Variants in DCUN1D4 observed in about 807,000 individuals in gnomAD.
The protein encoded by DCUN1D4 is defective in cullin neddylation 1 domain containing 4, also known as DCN1-like protein 4.
DCUN1D4 carries 22 observed loss-of-function variants against 47.9 expected under a neutral mutation model. The ratio of observed to expected loss-of-function variants is 0.46; its 90% confidence interval spans 0.33 to 0.66. The LOEUF (loss-of-function observed/expected upper bound fraction) is 0.66. Ranked by LOEUF, DCUN1D4 falls within the 30% of genes least tolerant of loss-of-function variation. The pLI, the probability that DCUN1D4 is intolerant of heterozygous loss-of-function variation, is 0.02. For synonymous variants in DCUN1D4, 121 were observed against 112.2 expected (o/e 1.08, Z -0.50); for missense variants, 301 against 340.8 (o/e 0.88, Z 0.92).
Position 51,915,287 on chromosome 4 carries a change from T to A in DCUN1D4, c.*1703T>A, listed in dbSNP as rs1253067420. ...ATGATATAGTAGAATGCAACTACTT[T>A]CTTTTTCTACCAAACGAAAGGTTTT... On this transcript the variant is annotated 3_prime_UTR_variant, in exon 11 of 11. Transcript: ENST00000334635. 6.6e-6 allele frequency: 1 copy of A among 152,608 alleles called. No individual in the cohort carries two copies. Among genetic ancestry groups the A allele is most frequent in the Admixed American group, 6.6e-5 (1 of 15,258 alleles). 9.5% of individuals were successfully genotyped at this position (152,608 alleles called of 1,614,324 possible). A position where few individuals can be genotyped will look rare whatever the true frequency, so the allele number is the denominator to read the frequency against.
chr4:51,887,310 G>A, intron 6 of DCUN1D4: 1 of 320,734 alleles, frequency 3.1e-6, no homozygotes. Context: ...CACCATGTTG[G>A]CCAGATGTCT....
chr4:51,909,622 A>G (rs1733404376), intron 8 of DCUN1D4, among the ~76,000 whole-genome samples: 1 of 152,196 alleles, frequency 6.6e-6, no homozygotes, highest in African/African-American at 2.4e-5. Context: ...GAGCAGGACA[A>G]TACATATGGC....
chr4:51,885,911 A>C (rs937035534), intron 5 of DCUN1D4, among the ~76,000 whole-genome samples: 1 of 152,206 alleles, frequency 6.6e-6, no homozygotes, highest in Non-Finnish European at 1.5e-5. Context: ...GATAAAACAA[A>C]GACTGAATTT....
chr4:51,890,258 G>C (rs772659199), intron 6 of DCUN1D4, among the ~76,000 whole-genome samples: 1 of 152,030 alleles, frequency 6.6e-6, no homozygotes, highest in Non-Finnish European at 1.5e-5. Context: ...ATGATTTCTT[G>C]CCTCATGTTT....
At chr4:51,834,069 T>G in the DCUN1D4 span, among the ~76,000 whole-genome samples, 1 of 141,992 alleles carries the variant, frequency 7.0e-6, no homozygotes, top group South Asian at 2.4e-4. Flanking sequence ...TCTCTCTCTC[T>G]CTCTCTCTCT....
chr4:51,898,420 G>A (rs986448073), intron 7 of DCUN1D4, among the ~76,000 whole-genome samples: 1 of 152,146 alleles, frequency 6.6e-6, no homozygotes, highest in African/African-American at 2.4e-5. Context: ...GCTTATTTGT[G>A]GGGATACTGA....
chr4:51,875,416 C>A lies in DCUN1D4; in HGVS notation c.251+1031C>A, dbSNP rs529549963. ...GCGCTTAGTATTTTCTCACCACAGT[C>A]TAATAAAATATAGTATGATAAAGCC... On this transcript the variant is annotated intron_variant, in intron 4 of 10. Transcript: ENST00000334635. 2.0e-5 allele frequency: 3 copies of A among 152,240 alleles called. No individual in the cohort carries two copies. The East Asian group carries it at 5.8e-4, about 29-fold the overall frequency. The allele number at this position is 152,240 out of a possible 1,614,324, so 9.4% of individuals were successfully genotyped here.
intron 6 of DCUN1D4, chr4:51,886,968 C>T (rs1729588149): frequency 2.4e-6 from 1 of 419,034 alleles, no homozygotes; most frequent in African/African-American, 2.1e-5. Context: ...TACCTTCGTG[C>T]CCCTCAGTAG....
chr4:51,911,234 T>C (rs1733672576), intron 9 of DCUN1D4, 60 bp downstream of exon 9: 3 of 1,441,726 alleles, frequency 2.1e-6, no homozygotes, highest in Non-Finnish European at 2.9e-6. Context: ...CAAATAACTT[T>C]ATTCACCCGT....
upstream of DCUN1D4, chr4:51,843,096 T>G: frequency 4.2e-6 from 6 of 1,431,994 alleles, no homozygotes; most frequent in Non-Finnish European, 5.5e-6. Context: ...TGAGCCGCGG[T>G]TTAGCCAATG....
At chr4:51,901,424 A>G (rs980510785) in intron 8 of DCUN1D4, among the ~76,000 whole-genome samples, 3 of 152,322 alleles carry the variant, frequency 2.0e-5, no homozygotes, top group African/African-American at 7.2e-5. Context: ...GACCCTCACA[A>G]CTAAGTCCCA....
intron 3 of DCUN1D4, among the ~76,000 whole-genome samples, chr4:51,868,229 G>A (rs1208866496): frequency 6.6e-6 from 1 of 152,194 alleles, no homozygotes; most frequent in African/African-American, 2.4e-5. Flanking sequence ...CCATGGCTGG[G>A]CGGCTGCAGC....
upstream of DCUN1D4, among the ~76,000 whole-genome samples, chr4:51,838,438 G>C (rs1251174674): frequency 6.6e-6 from 1 of 152,098 alleles, no homozygotes; most frequent in East Asian, 1.9e-4. Flanking sequence ...CTGGAGTGCA[G>C]TGGCGTGATC....
chr4:51,913,799 G>A lies in DCUN1D4; in HGVS notation c.*215G>A. The A allele has an allele frequency of 2.1e-6, 1 of 481,002 alleles. No individual in the cohort carries two copies. The highest frequency in any genetic ancestry group is 3.7e-6 in the Non-Finnish European group (1 of 272,508). The allele number at this position is 481,002 out of a possible 1,614,324, so 29.8% of individuals were successfully genotyped here. ...CTTTGCAGTTTGTATTTACACTACAGATTGGTGAATTTGCCAACGTCCTCA... is the reference window on the plus strand; with the variant it reads ...CTTTGCAGTTTGTATTTACACTACAAATTGGTGAATTTGCCAACGTCCTCA... On this transcript the variant is annotated 3_prime_UTR_variant, in exon 11 of 11. Transcript: ENST00000334635.
intron 1 of DCUN1D4, among the ~76,000 whole-genome samples, chr4:51,858,925 T>G (rs1408960557): frequency 1.3e-5 from 2 of 152,252 alleles, no homozygotes; most frequent in Non-Finnish European, 2.9e-5. Flanking sequence ...AATCTGGCCC[T>G]TCATACAGAG....
intron 3 of DCUN1D4, among the ~76,000 whole-genome samples, chr4:51,868,193 G>A (rs1430256936): frequency 3.3e-5 from 5 of 152,232 alleles, no homozygotes; most frequent in African/African-American, 1.2e-4. Flanking sequence ...CAGTCCTTGA[G>A]AGTGCAGGGA....
At chr4:51,896,315 G>A (rs1731252942) in intron 7 of DCUN1D4, among the ~76,000 whole-genome samples, 2 of 152,130 alleles carry the variant, frequency 1.3e-5, no homozygotes, top group African/African-American at 4.8e-5. Context: ...TCTTCTCATA[G>A]CTCTGCCTAG....
intron 5 of DCUN1D4, 113 bp from the exon 6 acceptor site, chr4:51,886,455 C>A: frequency 7.2e-6 from 6 of 834,372 alleles, no homozygotes; most frequent in South Asian, 5.4e-5. Flanking sequence ...TTTTTTTTTC[C>A]AAAAGGAGTT....
chr4:51,891,745 A>C lies in DCUN1D4; in HGVS notation c.415-15A>C. 1 of 1,543,572 alleles carries C rather than the reference A, an allele frequency of 6.5e-7. No individual in the cohort carries two copies. On this transcript the variant is annotated splice_polypyrimidine_tract_variant and intron_variant, in intron 6 of 10. Coordinates refer to ENST00000334635, the MANE Select transcript of DCUN1D4 (RefSeq NM_001040402.3). Reference sequence around the variant, plus strand: ...GTAATATATTTTTTTTTAATTGTGTATTTTTTTTTAACAGGTAGTTATGCT... The same window carrying C: ...GTAATATATTTTTTTTTAATTGTGTCTTTTTTTTTAACAGGTAGTTATGCT...
Sources: gnomAD v4.1 joint callset for allele counts (sites outside exome capture counted in the v4.1 genomes callset) on GRCh38, gnomAD v4.1.1 for gene constraint, MANE v1.5 for transcripts, NCBI Gene and HGNC (gene_info 2026-07-23, HGNC 2026-07-21) for gene names.